ENTPD1: variants seen among roughly 807,000 people sequenced by gnomAD.
ENTPD1 encodes ATP diphosphohydrolase.
In ENTPD1, 33 loss-of-function variants were observed where a neutral mutation model predicts 57.0. That is an observed-to-expected ratio of 0.58 (90% CI 0.44 to 0.77). The LOEUF (loss-of-function observed/expected upper bound fraction) is 0.77. ENTPD1 is among the 30% of genes least tolerant of loss of function. The pLI is 0.00. For synonymous variants in ENTPD1, 202 were observed against 218.8 expected (o/e 0.92, Z 0.68); for missense variants, 501 against 603.4 (o/e 0.83, Z 1.78).
chr10:95,864,623 C>T, intron 8 of ENTPD1, 101 bp from the exon 9 acceptor site: 2 of 1,526,850 alleles, frequency 1.3e-6, no homozygotes, highest in Non-Finnish European at 1.8e-6. Context: ...TGCACTGGAG[C>T]TGGGGCTTTC....
chr10:95,794,360 C>T (rs1194160698), intron 1 of ENTPD1, among the ~76,000 whole-genome samples: 1 of 152,160 alleles, frequency 6.6e-6, no homozygotes, highest in Non-Finnish European at 1.5e-5. Context: ...CTACTCTGTG[C>T]AGACACTGCT....
chr10:95,770,164 A>G (rs2098109802), intron 1 of ENTPD1, among the ~76,000 whole-genome samples: 1 of 151,454 alleles, frequency 6.6e-6, no homozygotes, highest in Admixed American at 6.6e-5. Flanking sequence ...CAATGCTCTA[A>G]GGACTGAGCC....
At chr10:95,734,841 G>T (rs1052651236) in intron 1 of ENTPD1, among the ~76,000 whole-genome samples, 10 of 152,190 alleles carry the variant, frequency 6.6e-5, no homozygotes, top group African/African-American at 2.2e-4. Context: ...ACAGGGTGAA[G>T]ATCCCTTCGC....
chr10:95,836,263 G>C (rs1378373014), intron 2 of ENTPD1, among the ~76,000 whole-genome samples: 1 of 152,034 alleles, frequency 6.6e-6, no homozygotes, highest in Non-Finnish European at 1.5e-5. Context: ...GATGCCTCTG[G>C]CTTTATCCTT....
chr10:95,761,326 T>C (rs1487570529), intron 1 of ENTPD1, among the ~76,000 whole-genome samples: 1 of 152,180 alleles, frequency 6.6e-6, no homozygotes, highest in African/African-American at 2.4e-5. Context: ...GTATGTATCA[T>C]TAGAGAACTT....
rs549712848 is a variant in ENTPD1 at position 95,874,558 on chromosome 10, T to C, written c.*8175T>C. Among the ~76,000 whole-genome samples, 2 of 152,282 alleles carry C rather than the reference T, an allele frequency of 1.3e-5. No homozygotes were observed. The highest frequency in any genetic ancestry group is 2.1e-4 in the South Asian group (1 of 4,816). ...ATGCAAGTTGGTGGTTGATCTACCA[T>C]TCTGGGGTCTACCATTCTGGGGTCT... On this transcript the variant is annotated 3_prime_UTR_variant, in exon 10 of 10. Coordinates refer to ENST00000371205, the MANE Select transcript of ENTPD1 (RefSeq NM_001776.6).
intron 1 of ENTPD1, among the ~76,000 whole-genome samples, chr10:95,783,859 G>A (rs746635467): frequency 3.9e-5 from 6 of 152,084 alleles, no homozygotes; most frequent in Non-Finnish European, 8.8e-5. Context: ...GGGGAACTCA[G>A]CTTCTAGTTA....
chr10:95,841,032 T>C (rs972580696), intron 3 of ENTPD1, among the ~76,000 whole-genome samples: 1 of 152,216 alleles, frequency 6.6e-6, no homozygotes, highest in African/African-American at 2.4e-5. Context: ...CTGGCCTTTC[T>C]TAAAGCCCAA....
intron 1 of ENTPD1, among the ~76,000 whole-genome samples, chr10:95,805,134 G>A: frequency 6.6e-6 from 1 of 152,168 alleles, no homozygotes; most frequent in Admixed American, 6.5e-5. Context: ...AAGTCTCTTT[G>A]TAGGTCTCTA....
intron 7 of ENTPD1, among the ~76,000 whole-genome samples, chr10:95,852,858 G>C (rs2098447857): frequency 6.6e-6 from 1 of 152,196 alleles, no homozygotes; most frequent in African/African-American, 2.4e-5. Flanking sequence ...TTGAAGTCAG[G>C]TAGCGTGATG....
rs188816483 is a variant in ENTPD1 at position 95,873,448 on chromosome 10, A to G, written c.*7065A>G. 57 of 985,524 alleles carry G rather than the reference A, an allele frequency of 5.8e-5. No individual in the cohort carries two copies. In the Admixed American group the frequency reaches 3.4e-3, roughly 59 times the overall value. The allele number at this position is 985,524 out of a possible 1,614,324, so 61.0% of individuals were successfully genotyped here. A position where few individuals can be genotyped will look rare whatever the true frequency, so the allele number is the denominator to read the frequency against. ...TCAGTGAAGGCCTGGAGTGCTTAAG[A>G]GGGATTTCTTCCAGCTCTCTTGCCC... On this transcript the variant is annotated 3_prime_UTR_variant, in exon 10 of 10. Coordinates refer to ENST00000371205, the MANE Select transcript of ENTPD1 (RefSeq NM_001776.6).
chr10:95,772,911 A>G (rs928599646), intron 1 of ENTPD1, among the ~76,000 whole-genome samples: 3 of 152,214 alleles, frequency 2.0e-5, no homozygotes, highest in African/African-American at 7.2e-5. Flanking sequence ...AATACCAGAG[A>G]CAGGGAAATT....
intron 1 of ENTPD1, among the ~76,000 whole-genome samples, chr10:95,758,607 C>T (rs1026181155): frequency 1.3e-5 from 2 of 152,178 alleles, no homozygotes; most frequent in African/African-American, 4.8e-5. Flanking sequence ...CACCTTCTCT[C>T]CCTTCCAATT....
chr10:95,840,096 A>G (rs576249043), intron 3 of ENTPD1, among the ~76,000 whole-genome samples: 2 of 152,340 alleles, frequency 1.3e-5, no homozygotes, highest in East Asian at 3.9e-4. Flanking sequence ...TTACTTCAGT[A>G]TACCCTCATA....
At chr10:95,835,103 C>G (rs140367565) in intron 2 of ENTPD1, among the ~76,000 whole-genome samples, 1 of 152,144 alleles carries the variant, frequency 6.6e-6, no homozygotes, top group African/African-American at 2.4e-5. Flanking sequence ...CCCACCTCCC[C>G]TCTTTTGGAA....
upstream of ENTPD1, chr10:95,753,975 G>A (rs1029608896): frequency 6.6e-6 from 1 of 151,790 alleles, no homozygotes; most frequent in African/African-American, 2.4e-5. Context: ...CAGCCTGGAT[G>A]ACAGAGTGAG....
intron 1 of ENTPD1, among the ~76,000 whole-genome samples, chr10:95,779,281 A>G (rs1445346989): frequency 6.6e-6 from 1 of 152,168 alleles, no homozygotes; most frequent in Non-Finnish European, 1.5e-5. Context: ...TGATACTGTC[A>G]TGATTCCTCC....
chr10:95,872,717 C>T lies in ENTPD1; in HGVS notation c.*6334C>T. On this transcript the variant is annotated 3_prime_UTR_variant, in exon 10 of 10. Coordinates refer to ENST00000371205, the MANE Select transcript of ENTPD1 (RefSeq NM_001776.6). ...TAGTTCTAGCCAACCTCCCTGTCCACTGCCAGGCCGACTACAAACCCTTCT... is the reference window on the plus strand; with the variant it reads ...TAGTTCTAGCCAACCTCCCTGTCCATTGCCAGGCCGACTACAAACCCTTCT... The T allele has an allele frequency of 1.0e-6, 1 of 985,458 alleles. No individual in the cohort carries two copies. Among genetic ancestry groups the T allele is most frequent in the Non-Finnish European group, 1.2e-6 (1 of 829,938 alleles). The allele number at this position is 985,458 out of a possible 1,614,324, so 61.0% of individuals were successfully genotyped here. A position where few individuals can be genotyped will look rare whatever the true frequency, so the allele number is the denominator to read the frequency against.
chr10:95,820,339 A>G (rs1331162680), intron 1 of ENTPD1, among the ~76,000 whole-genome samples: 1 of 152,216 alleles, frequency 6.6e-6, no homozygotes, highest in African/African-American at 2.4e-5. Context: ...TGACCTAAAA[A>G]TCTTTTTCTT....
Sources: allele counts gnomAD v4.1 joint callset (sites outside exome capture counted in the v4.1 genomes callset), GRCh38; gene constraint gnomAD v4.1.1; transcripts MANE v1.5; gene names NCBI Gene and HGNC (gene_info 2026-07-23, HGNC 2026-07-21).